The following KMT2C variants were observed in gnomAD, a reference collection of about 807,000 sequenced individuals.
KMT2C encodes the protein histone-lysine N-methyltransferase 2C.
Under a neutral mutation model 507.9 loss-of-function variants are expected in KMT2C, and 88 were observed. That is an observed-to-expected ratio of 0.17 (90% CI 0.15 to 0.21). The LOEUF is 0.21. Ranked by LOEUF, KMT2C falls within the 10% of genes least tolerant of loss-of-function variation. The probability of loss-of-function intolerance (pLI) is 1.00; values close to 1 mark genes in which losing one functional copy is unlikely to be tolerated. For synonymous variants in KMT2C, 2,049 were observed against 2,080.8 expected, an observed-to-expected ratio of 0.98 and a Z score of 0.42; for missense variants, 4,954 against 5,957.8, an observed-to-expected ratio of 0.83 and a Z score of 5.55.
intron 6 of KMT2C, among the ~76,000 whole-genome samples, chr7:152,294,022 C>A (rs1230649128): frequency 7.5e-6 from 1 of 133,164 alleles, no homozygotes; most frequent in Non-Finnish European, 1.6e-5. Context: ...CCACACCTGC[C>A]TTTTTTTTTT....
Position 152,185,561 on chromosome 7 carries a change from A to G in KMT2C, c.5079T>C (p.Tyr1693=), listed in dbSNP as rs761214228. 51 of 1,612,824 alleles carry G rather than the reference A, an allele frequency of 3.2e-5. No homozygotes were observed. Among genetic ancestry groups the G allele is most frequent in the Non-Finnish European group, 4.2e-5 (50 of 1,178,868 alleles). The stretch of plus-strand genomic sequence containing the variant: ...ATAGAGGAGTTTCTTAAAATACCAC[A>G]TATGGTGCTCTTTCTTGTGAGCTTG... The part of the protein sequence containing the change: ...RKASSQERAP[Y]VQKARDNRAA... Residue 1693 remains tyrosine (Y), a synonymous_variant, in exon 34 of 59, where the codon TAT becomes TAC. Coordinates refer to ENST00000262189, the MANE Select transcript of KMT2C (RefSeq NM_170606.3).
At chr7:152,222,318 A>T (rs1259681650) in intron 21 of KMT2C, among the ~76,000 whole-genome samples, 1 of 152,248 alleles carries the variant, frequency 6.6e-6, no homozygotes, top group African/African-American at 2.4e-5. Context: ...AATAACTACA[A>T]GATCATGTTC....
Position 152,162,132 on chromosome 7 carries a change from G to A in KMT2C, c.11445C>T (p.Asn3815=). The change falls in exon 43 of 59, where the codon AAC becomes AAT. Residue 3815 remains asparagine (N), a synonymous_variant. Transcript: ENST00000262189. ...TKDNKLVEKQ[N]PAEGLQTLGA... Reference sequence around the variant, plus strand: ...TTACACTTACCAGTCCTTCAGCTGGGTTCTGCTTCTCAACTAGTTTATTAT... The same window carrying A: ...TTACACTTACCAGTCCTTCAGCTGGATTCTGCTTCTCAACTAGTTTATTAT... 7 of 1,563,536 alleles carry A rather than the reference G, an allele frequency of 4.5e-6. No individual in the cohort carries two copies. The highest frequency in any genetic ancestry group is 6.0e-6 in the Non-Finnish European group (7 of 1,158,846).
chr7:152,145,239 G>T lies in KMT2C; in HGVS notation c.14088C>A (p.Leu4696=). ...NYTFRYGRNP[L]MELPLAVNPT... is the part of the protein sequence containing the mutation. Reference sequence around the variant, plus strand: ...GGTTAACGGCAAGAGGAAGTTCCATGAGAGGATTTCGGCCGTATCGGAAGG... The same window carrying T: ...GGTTAACGGCAAGAGGAAGTTCCATTAGAGGATTTCGGCCGTATCGGAAGG... Residue 4696 remains leucine (L), a synonymous_variant, in exon 54 of 59, where the codon CTC becomes CTA. Coordinates refer to ENST00000262189, the MANE Select transcript of KMT2C (RefSeq NM_170606.3). 1 of 1,614,154 alleles carries T rather than the reference G, an allele frequency of 6.2e-7. No homozygotes were observed. The highest frequency in any genetic ancestry group is 8.5e-7 in the Non-Finnish European group (1 of 1,180,006).
intron 1 of KMT2C, among the ~76,000 whole-genome samples, chr7:152,388,673 GA>G (rs906265857): frequency 4.0e-5 from 6 of 151,620 alleles, no homozygotes; most frequent in African/African-American, 1.4e-4. Flanking sequence ...ATTGTATGGC[GA>G]AAAAACACAA....
At chr7:152,282,630 T>G (rs1588884670) in intron 6 of KMT2C, among the ~76,000 whole-genome samples, 1 of 152,016 alleles carries the variant, frequency 6.6e-6, no homozygotes, top group African/African-American at 2.4e-5. Context: ...AGTACAAACA[T>G]AGGCAAGACT....
intron 58 of KMT2C, chr7:152,137,414 T>C (rs1279060561): frequency 6.2e-6 from 1 of 160,650 alleles, no homozygotes; most frequent in Non-Finnish European, 1.4e-5. Context: ...AATTAACATC[T>C]CAGACCAATC....
intron 23 of KMT2C, among the ~76,000 whole-genome samples, chr7:152,211,681 C>T (rs1260975205): frequency 6.6e-6 from 1 of 152,234 alleles, no homozygotes; most frequent in African/African-American, 2.4e-5. Context: ...CAGGTGGTAT[C>T]ACTGTAGGCT....
Position 152,356,894 on chromosome 7 carries a change from A to AAATAAT in KMT2C, c.250+1692_250+1693insATTATT, listed in dbSNP as rs1554673242. On this transcript the variant is annotated intron_variant, in intron 2 of 58. Coordinates refer to ENST00000262189, the MANE Select transcript of KMT2C (RefSeq NM_170606.3). ...AGACAAGAGTGAGACTCCAACTCAA[A>AAATAAT]AAGAATAATAATAATAATAATAATA... Among the ~76,000 whole-genome samples, 93 of 72,180 alleles carry AAATAAT rather than the reference A, an allele frequency of 1.3e-3. 1 individual carries two copies. Among genetic ancestry groups the AAATAAT allele is most frequent in the African/African-American group, 4.2e-3 (90 of 21,384 alleles). The allele number at this position is 72,180 out of a possible 152,430, so 47.4% of individuals were successfully genotyped here. A position where few individuals can be genotyped will look rare whatever the true frequency, so the allele number is the denominator to read the frequency against.
In KMT2C at chr7:152,162,717, C is replaced by T. The variant is rs1370736739; in HGVS notation, c.10860G>A (p.Lys3620=). 1.2e-6 allele frequency: 2 copies of T among 1,614,164 alleles called. No individual in the cohort carries two copies. The highest frequency in any genetic ancestry group is 1.7e-6 in the Non-Finnish European group (2 of 1,180,034). ...TATCTGAATGGGGAGTTGATGGAGC[C>T]TTGGTGGATTCTGCATCATCATCTC... ...KKRDDDAEST[K]APSTPHSDIT... The change falls in exon 43 of 59, where the codon AAG becomes AAA. Residue 3620 remains lysine (K), a synonymous_variant. Transcript: ENST00000262189.
chr7:152,149,449 T>C (rs1052125433), intron 51 of KMT2C, among the ~76,000 whole-genome samples: 1 of 152,232 alleles, frequency 6.6e-6, no homozygotes, highest in African/African-American at 2.4e-5. Context: ...CAATCCCCTT[T>C]CTAACTATAT....
Position 152,152,949 on chromosome 7 carries a change from A to G in KMT2C, c.12282T>C (p.Ile4094=), listed in dbSNP as rs375947760. ...ITLHPTAAEN[I]SSVVAAFSDL... is the part of the protein sequence containing the mutation. ...CGGAAAATGCAGCCACAACACTGCT[A>G]ATGTTCTAAAACCAAATGCAAATGC... The change falls in exon 49 of 59, where the codon ATT becomes ATC. Residue 4094 remains isoleucine (I), a synonymous_variant. Transcript: ENST00000262189. 1.5e-5 allele frequency: 25 copies of G among 1,614,002 alleles called. No individual in the cohort carries two copies. In the Admixed American group the frequency reaches 3.0e-4, roughly 19 times the overall value.
intron 18 of KMT2C, among the ~76,000 whole-genome samples, chr7:152,226,219 C>CTTTTTTTTTTTTTTTTTTTT (rs869076803): frequency 1.8e-4 from 17 of 94,946 alleles, no homozygotes; most frequent in African/African-American, 4.6e-4. Flanking sequence ...ATTACAAGGC[C>CTTTTTTTTTTTTTTTTTTTT]TTTTTTTTTT....
intron 1 of KMT2C, among the ~76,000 whole-genome samples, chr7:152,430,614 C>G (rs2097855979): frequency 1.3e-5 from 2 of 152,200 alleles, no homozygotes; most frequent in East Asian, 3.9e-4. Flanking sequence ...ACTGCAGCCT[C>G]AACCTCCAAG....
At chr7:152,186,802 A>C (rs977618474) in intron 33 of KMT2C, among the ~76,000 whole-genome samples, 1 of 152,166 alleles carries the variant, frequency 6.6e-6, no homozygotes, top group African/African-American at 2.4e-5. Context: ...AAACTGTACT[A>C]TTATCATCTG....
intron 24 of KMT2C, among the ~76,000 whole-genome samples, chr7:152,207,021 C>CA (rs1394280916): frequency 3.3e-5 from 5 of 151,994 alleles, no homozygotes; most frequent in Non-Finnish European, 1.5e-5. Context: ...CAAGTATGAA[C>CA]AAAAGCCAAT....
At chr7:152,368,202 T>C (rs1219660383) in intron 1 of KMT2C, 4 of 894,524 alleles carry the variant, frequency 4.5e-6, no homozygotes, top group South Asian at 2.6e-5. Context: ...ATTTTACAAT[T>C]CTAAGAAATA....
chr7:152,157,086 GTTT>G (rs869094423), intron 44 of KMT2C, among the ~76,000 whole-genome samples: 1 of 147,728 alleles, frequency 6.8e-6, no homozygotes, highest in Non-Finnish European at 1.5e-5. Context: ...AGTTAAGATA[GTTT>G]TTTTTTTTTC....
intron 31 of KMT2C, among the ~76,000 whole-genome samples, chr7:152,189,207 T>C (rs1022576987): frequency 4.6e-5 from 7 of 152,204 alleles, no homozygotes; most frequent in African/African-American, 1.7e-4. Flanking sequence ...GAAAGTCTAC[T>C]TGTCTAAACT....
Sources: allele counts gnomAD v4.1 joint callset (sites outside exome capture counted in the v4.1 genomes callset), GRCh38; gene constraint gnomAD v4.1.1; transcripts MANE v1.5; gene names NCBI Gene and HGNC (gene_info 2026-07-23, HGNC 2026-07-21).